LPAR6: variants seen among roughly 807,000 people sequenced by gnomAD.
LPAR6 encodes the protein G-protein coupled purinergic receptor P2Y5.
LPAR6 carries 17 observed loss-of-function variants against 22.0 expected under a neutral mutation model. The observed-to-expected ratio is 0.77, with a 90% CI of 0.53 to 1.16. The LOEUF is 1.16. LPAR6 is among the 50% of genes most tolerant of loss of function. LPAR6 has a pLI of 0.00. For synonymous variants in LPAR6, 136 were observed against 139.8 expected (o/e 0.97, Z 0.19); for missense variants, 384 against 406.9 (o/e 0.94, Z 0.48).
In LPAR6 at chr13:48,403,271, A is replaced by C. The variant is rs1948709702; in HGVS notation, n.114+12429T>G. Among the ~76,000 whole-genome samples, 3 of 152,158 alleles carry C rather than the reference A, an allele frequency of 2.0e-5. No homozygotes were observed. The South Asian group carries it at 6.2e-4, about 32-fold the overall frequency. On this transcript the variant is annotated intron_variant and non_coding_transcript_variant, in intron 1 of 1. Transcript: ENST00000462781. ...CATTTATAATGAGATAATGGAACTC[A>C]GTGTATCGGAAGAGCAGACTGAACA...
chr13:48,436,958 T>C (rs1949190854), intron 1 of LPAR6, among the ~76,000 whole-genome samples: 3 of 152,234 alleles, frequency 2.0e-5, no homozygotes, highest in African/African-American at 7.2e-5. Context: ...ACTACTGACT[T>C]GTACTTACTT....
chr13:48,403,026 G>A (rs1948707321), intron 1 of LPAR6, among the ~76,000 whole-genome samples: 1 of 151,802 alleles, frequency 6.6e-6, no homozygotes, highest in Non-Finnish European at 1.5e-5. Flanking sequence ...TAGGTTTTAT[G>A]TCCTATTAAA....
intron 1 of LPAR6, among the ~76,000 whole-genome samples, chr13:48,435,780 G>A (rs1949177162): frequency 6.6e-6 from 1 of 152,074 alleles, no homozygotes; most frequent in Non-Finnish European, 1.5e-5. Flanking sequence ...CACCATGGAT[G>A]TTCAGTTGTT....
chr13:48,430,858 G>A (rs995625562), upstream of LPAR6, among the ~76,000 whole-genome samples: 1 of 152,172 alleles, frequency 6.6e-6, no homozygotes, highest in African/African-American at 2.4e-5. Context: ...GAGCCCAGGA[G>A]TTTGGGGCTG....
At chr13:48,439,262 A>T (rs4151566) in intron 1 of LPAR6, among the ~76,000 whole-genome samples, 79 of 152,210 alleles carry the variant, frequency 5.2e-4, no homozygotes, top group South Asian at 3.9e-3. Flanking sequence ...ATTAAATGAG[A>T]TAATATATGT....
chr13:48,424,482 G>T (rs915586404), intron 1 of LPAR6, among the ~76,000 whole-genome samples: 2 of 152,208 alleles, frequency 1.3e-5, no homozygotes, highest in African/African-American at 4.8e-5. Context: ...GATGGTTGAA[G>T]CAGGTTCAAA....
intron 1 of LPAR6, among the ~76,000 whole-genome samples, chr13:48,402,646 G>A (rs1486851102): frequency 6.6e-6 from 1 of 151,912 alleles, no homozygotes; most frequent in African/African-American, 2.4e-5. Context: ...CAAAGTGCTG[G>A]GATTAGTCAT....
intron 1 of LPAR6, among the ~76,000 whole-genome samples, chr13:48,443,129 T>A (rs1424686550): frequency 6.6e-6 from 1 of 151,832 alleles, no homozygotes; most frequent in African/African-American, 2.4e-5. Context: ...TACTATTCCT[T>A]TAAACATTGT....
At chr13:48,431,928 A>T (rs1041882417) in intron 1 of LPAR6, among the ~76,000 whole-genome samples, 6 of 152,124 alleles carry the variant, frequency 3.9e-5, no homozygotes, top group African/African-American at 1.2e-4. Context: ...ATTGAGTGTA[A>T]CTGTGTACCA....
At chr13:48,407,418 A>C (rs77863783), downstream of LPAR6, among the ~76,000 whole-genome samples, 81 of 152,292 alleles carry the variant, frequency 5.3e-4, no homozygotes, top group East Asian at 0.015. Context: ...AAGAGAGAGA[A>C]GTTTGCCTGG....
chr13:48,432,247 C>T (rs1460642900), intron 1 of LPAR6, among the ~76,000 whole-genome samples: 1 of 152,062 alleles, frequency 6.6e-6, no homozygotes, highest in African/African-American at 2.4e-5. Context: ...AAGGCCTTCT[C>T]CAATCTGTAT....
intron 1 of LPAR6, among the ~76,000 whole-genome samples, chr13:48,441,225 G>A (rs933903719): frequency 3.3e-5 from 5 of 152,160 alleles, no homozygotes; most frequent in Non-Finnish European, 7.4e-5. Context: ...GTCCTCAGAT[G>A]GTGGAAGGGA....
At chr13:48,437,083 A>G (rs1949191792) in intron 1 of LPAR6, among the ~76,000 whole-genome samples, 1 of 152,236 alleles carries the variant, frequency 6.6e-6, no homozygotes, top group Non-Finnish European at 1.5e-5. Flanking sequence ...AAAGTCATGT[A>G]GAACAGACTT....
Position 48,405,491 on chromosome 13 carries a change from C to T in LPAR6, n.114+10209G>A, listed in dbSNP as rs563296004. Among the ~76,000 whole-genome samples the T allele has an allele frequency of 1.8e-4, 27 of 152,244 alleles. No homozygotes were observed. The South Asian group carries it at 5.6e-3, about 32-fold the overall frequency. On this transcript the variant is annotated intron_variant and non_coding_transcript_variant, in intron 1 of 1. Coordinates refer to the LPAR6 transcript ENST00000462781. The stretch of plus-strand genomic sequence containing the variant: ...CCTTGTTGGCCCATAGTTTTGACTG[C>T]ATATAACAGGAGATGGCATGCACAG...
At chr13:48,430,873 AG>A (rs1313041687), upstream of LPAR6, among the ~76,000 whole-genome samples, 17 of 152,228 alleles carry the variant, frequency 1.1e-4, no homozygotes, top group Non-Finnish European at 2.9e-5. Flanking sequence ...GGGCTGCAGT[AG>A]GCCATGCCAC....
chr13:48,434,912 G>C (rs1949167721), intron 1 of LPAR6, among the ~76,000 whole-genome samples: 1 of 151,964 alleles, frequency 6.6e-6, no homozygotes, highest in African/African-American at 2.4e-5. Flanking sequence ...CCTTTTTATT[G>C]CTGACTAGTA....
intron 1 of LPAR6, among the ~76,000 whole-genome samples, chr13:48,390,800 T>C (rs1204977362): frequency 1.3e-5 from 2 of 152,180 alleles, no homozygotes; most frequent in Admixed American, 1.3e-4. Context: ...CCCATTAATA[T>C]CAACATGGCA....
In LPAR6 at chr13:48,401,757, G is replaced by A. The variant is rs186577659; in HGVS notation, n.115-11945C>T. On this transcript the variant is annotated intron_variant and non_coding_transcript_variant, in intron 1 of 1. Coordinates refer to the LPAR6 transcript ENST00000462781. ...GAACATGATAAGGAAACGTAGAATAGGAAACAGCTGGATTTGTTTCTTAGC... is the reference window on the plus strand; with the variant it reads ...GAACATGATAAGGAAACGTAGAATAAGAAACAGCTGGATTTGTTTCTTAGC... Among the ~76,000 whole-genome samples, 6 of 152,224 alleles carry A rather than the reference G, an allele frequency of 3.9e-5. No individual in the cohort carries two copies. The East Asian group carries it at 1.2e-3, about 29-fold the overall frequency.
At chr13:48,422,009 A>G (rs985643093) in intron 2 of LPAR6, among the ~76,000 whole-genome samples, 6 of 152,352 alleles carry the variant, frequency 3.9e-5, no homozygotes, top group African/African-American at 1.4e-4. Context: ...CAGCAAGCCC[A>G]TTACTGGGTA....
Sources: allele counts gnomAD v4.1 joint callset (sites outside exome capture counted in the v4.1 genomes callset), GRCh38; gene constraint gnomAD v4.1.1; transcripts MANE v1.5; gene names NCBI Gene and HGNC (gene_info 2026-07-23, HGNC 2026-07-21).